The following EIF3M variants were observed in gnomAD, a reference collection of about 807,000 sequenced individuals.
EIF3M encodes B5 receptor.
EIF3M carries 25 observed loss-of-function variants against 49.7 expected under a neutral mutation model. That is an observed-to-expected ratio of 0.50 (90% CI 0.37 to 0.70). The LOEUF (loss-of-function observed/expected upper bound fraction) is 0.70, where lower values mean the gene tolerates loss of function less well. Among genes scored for constraint, EIF3M ranks in the 30% least tolerant of loss-of-function variants. The probability of loss-of-function intolerance (pLI) is 0.00; values close to 1 mark genes in which losing one functional copy is unlikely to be tolerated. For missense variants in EIF3M, 350 were observed against 440.0 expected (o/e 0.80, Z 1.83); for synonymous variants, 156 against 149.8 (o/e 1.04, Z -0.30).
intron 1 of EIF3M, among the ~76,000 whole-genome samples, chr11:32,585,977 C>T (rs2133192011): frequency 6.6e-6 from 1 of 152,272 alleles, no homozygotes; most frequent in East Asian, 1.9e-4. Flanking sequence ...CGCCTATAAT[C>T]TTAGCACTTT....
chr11:32,589,801 C>T (rs532299093), intron 5 of EIF3M, among the ~76,000 whole-genome samples, 160 bp downstream of exon 5: 1 of 152,230 alleles, frequency 6.6e-6, no homozygotes, highest in African/African-American at 2.4e-5. Flanking sequence ...TTAAAGATAA[C>T]TATAAAGATT....
chr11:32,592,489 T>C, intron 5 of EIF3M: 1 of 525,268 alleles, frequency 1.9e-6, no homozygotes, highest in South Asian at 1.5e-5. Context: ...CACTGGGCTT[T>C]ACAGAACTCT....
At position 32,594,109 on chromosome 11, in the gene EIF3M, A is replaced by G. The variant is rs1590521875; in HGVS notation, c.617+160A>G. 10 of 426,890 alleles carry G rather than the reference A, an allele frequency of 2.3e-5. No individual in the cohort carries two copies. The East Asian group carries it at 3.6e-4, about 16-fold the overall frequency. 26.4% of individuals were successfully genotyped at this position (426,890 alleles called of 1,614,324 possible). On this transcript the variant is annotated intron_variant, in intron 6 of 10. Coordinates refer to ENST00000531120, the MANE Select transcript of EIF3M (RefSeq NM_006360.6). ...ATTCTAATGTAGATACTAAAATTCA[A>G]GGTTTGATATTGGAAGAACTGTGGA... is the stretch of plus-strand genomic sequence containing the variant.
chr11:32,597,023 T>C (rs181212142), intron 8 of EIF3M, among the ~76,000 whole-genome samples: 149 of 152,344 alleles, frequency 9.8e-4, no homozygotes, highest in African/African-American at 3.5e-3. Context: ...GGTAAAGTTA[T>C]ATCAACAATC....
intron 10 of EIF3M, 93 bp downstream of exon 10, chr11:32,601,915 T>A: frequency 7.6e-7 from 1 of 1,309,668 alleles, no homozygotes; most frequent in South Asian, 1.3e-5. Context: ...GGTGGTGTTA[T>A]CACTTGACTG....
chr11:32,585,948 G>A (rs1345468896), intron 1 of EIF3M, among the ~76,000 whole-genome samples: 1 of 152,008 alleles, frequency 6.6e-6, no homozygotes, highest in Non-Finnish European at 1.5e-5. Context: ...TTTAAAACCA[G>A]GCTGAGCACG....
At chr11:32,584,607 C>CAAAAAAAAAAAAAAAAAAAAAAAAA (rs796738414) in intron 1 of EIF3M, among the ~76,000 whole-genome samples, 1 of 62,292 alleles carries the variant, frequency 1.6e-5, no homozygotes, top group Non-Finnish European at 2.9e-5. Context: ...GAGTCCCTCT[C>CAAAAAAAAAAAAAAAAAAAAAAAAA]AAAAAAAAAA....
intron 2 of EIF3M, among the ~76,000 whole-genome samples, chr11:32,588,066 A>G (rs1032065742): frequency 8.5e-5 from 13 of 152,222 alleles, no homozygotes; most frequent in Non-Finnish European, 1.6e-4. Context: ...CTTTATATAC[A>G]TGTAAATCAG....
At position 32,600,693 on chromosome 11, in the gene EIF3M, G is replaced by C. The variant is rs1361931979; in HGVS notation, c.804G>C (p.Leu268=). The C allele has an allele frequency of 6.2e-7, 1 of 1,607,816 alleles. No homozygotes were observed. The highest frequency in any genetic ancestry group is 8.5e-7 in the Non-Finnish European group (1 of 1,176,890). ...CTTCACTATTCTGTTTTCTAGGCCT[G>C]TTACATGAACAGAATATGGCAAAAA... ...NNKDFIDSLG[L]LHEQNMAKMR... is the part of the protein sequence containing the mutation. The change falls in exon 9 of 11, where the codon CTG becomes CTC. Residue 268 remains leucine, a synonymous_variant. Coordinates refer to ENST00000531120, the MANE Select transcript of EIF3M (RefSeq NM_006360.6).
chr11:32,592,097 A>G lies in EIF3M; in HGVS notation c.534-1769A>G. ...CATTATATCCAGCAACCCCTCCTCC[A>G]TAACTACTTCTGCTGCCACCACCCC... is the stretch of plus-strand genomic sequence containing the variant. On this transcript the variant is annotated intron_variant, in intron 5 of 10. Transcript: ENST00000531120. The G allele has an allele frequency of 9.9e-6, 3 of 301,696 alleles. 1 individual carries two copies. The highest frequency in any genetic ancestry group is 9.0e-5 in the South Asian group (3 of 33,278). 18.7% of individuals were successfully genotyped at this position (301,696 alleles called of 1,614,324 possible). A position where few individuals can be genotyped will look rare whatever the true frequency, so the allele number is the denominator to read the frequency against.
chr11:32,583,969 G>A lies in EIF3M; in HGVS notation c.42+40G>A, dbSNP rs1471194282. Reference sequence around the variant, plus strand: ...ACGGGTGCCGCCACGGTGGGGTGGGGGATGTCCTAGTAGCGCAAGGGACCG... The same window carrying A: ...ACGGGTGCCGCCACGGTGGGGTGGGAGATGTCCTAGTAGCGCAAGGGACCG... On this transcript the variant is annotated intron_variant, in intron 1 of 10. Transcript: ENST00000531120. 10 of 1,612,466 alleles carry A rather than the reference G, an allele frequency of 6.2e-6. No individual in the cohort carries two copies. The African/African-American group carries it at 6.7e-5, about 11-fold the overall frequency.
chr11:32,592,194 CA>C (rs958214797), intron 5 of EIF3M: 1 of 362,124 alleles, frequency 2.8e-6, no homozygotes, highest in African/African-American at 2.1e-5. Context: ...GTTTCCTCCA[CA>C]ACCCATAAAG....
In EIF3M at chr11:32,585,402, C is replaced by A. The variant is rs1854980006; in HGVS notation, c.42+1473C>A. Reference sequence around the variant, plus strand: ...GCTTCTGTTCTTGTAACATCAGTATCGCTGTAGACAGTCCTTTCAGGGAAA... The same window carrying A: ...GCTTCTGTTCTTGTAACATCAGTATAGCTGTAGACAGTCCTTTCAGGGAAA... On this transcript the variant is annotated intron_variant, in intron 1 of 10. Coordinates refer to ENST00000531120, the MANE Select transcript of EIF3M (RefSeq NM_006360.6). Among the ~76,000 whole-genome samples the A allele has an allele frequency of 2.0e-5, 3 of 152,068 alleles. No individual in the cohort carries two copies. In the South Asian group the frequency reaches 6.2e-4, roughly 32 times the overall value.
At chr11:32,592,734 T>C (rs1590520219) in intron 5 of EIF3M, 1 of 500,448 alleles carries the variant, frequency 2.0e-6, no homozygotes, top group East Asian at 5.4e-5. Flanking sequence ...AAACAGTTTT[T>C]TTTAGCTGCT....
Position 32,593,905 on chromosome 11 carries a change from T to G in EIF3M, c.573T>G (p.Ser191Arg). The G allele has an allele frequency of 7.6e-6, 12 of 1,580,282 alleles. No homozygotes were observed. The highest frequency in any genetic ancestry group is 1.0e-5 in the Non-Finnish European group (12 of 1,164,622). ...AAGTCATGGTGGAATTGCTCGGAAG[T>G]TACACAGAGGACAATGCTTCCCAGG... Reference protein sequence around the residue: ...ASKVMVELLGSYTEDNASQAR... With the variant: ...ASKVMVELLGRYTEDNASQAR... The change falls in exon 6 of 11, where the codon AGT becomes AGG. Residue 191 changes from serine (S) to arginine (R), a missense_variant. Coordinates refer to ENST00000531120, the MANE Select transcript of EIF3M (RefSeq NM_006360.6).
chr11:32,590,501 C>T (rs1315681617), intron 5 of EIF3M, among the ~76,000 whole-genome samples: 1 of 152,164 alleles, frequency 6.6e-6, no homozygotes, highest in Non-Finnish European at 1.5e-5. Context: ...TGTATCCTAG[C>T]ATTTAACACC....
chr11:32,584,935 T>A (rs938324324), intron 1 of EIF3M, among the ~76,000 whole-genome samples: 1 of 152,256 alleles, frequency 6.6e-6, no homozygotes, highest in South Asian at 2.1e-4. Context: ...TTTGTATTGC[T>A]GAAAATTCTT....
rs751053317 is a variant in EIF3M, at chr11:32,605,755, T to C, written c.*3356T>C. On this transcript the variant is annotated 3_prime_UTR_variant, in exon 11 of 11. Transcript: ENST00000531120. The stretch of plus-strand genomic sequence containing the variant: ...TAATGTTTGCGCTTAACAAAACTTG[T>C]CCTGTTTAACTTACCTGAGGGTTCT... The C allele has an allele frequency of 6.6e-6, 1 of 152,232 alleles. No individual in the cohort carries two copies. The highest frequency in any genetic ancestry group is 2.1e-4 in the South Asian group (1 of 4,828). 9.4% of individuals were successfully genotyped at this position (152,232 alleles called of 1,614,324 possible).
At chr11:32,594,307 A>G (rs1436042526) in intron 6 of EIF3M, 1 of 179,178 alleles carries the variant, frequency 5.6e-6, no homozygotes, top group Admixed American at 6.2e-5. Flanking sequence ...GCTAATGAGT[A>G]TAAGGGCTTT....
Sources: allele counts gnomAD v4.1 joint callset (sites outside exome capture counted in the v4.1 genomes callset), GRCh38; gene constraint gnomAD v4.1.1; transcripts MANE v1.5; gene names NCBI Gene and HGNC (gene_info 2026-07-23, HGNC 2026-07-21).